Variants in PPM1M observed in about 807,000 individuals in gnomAD.
PPM1M encodes the protein protein phosphatase, Mg2+/Mn2+ dependent 1M.
Under a neutral mutation model 50.8 loss-of-function variants are expected in PPM1M, and 44 were observed. The observed-to-expected ratio is 0.87, with a 90% CI of 0.68 to 1.11. PPM1M has a LOEUF of 1.11. PPM1M is among the 50% of genes most tolerant of loss of function. The probability of loss-of-function intolerance (pLI) is 0.00; values close to 1 mark genes in which losing one functional copy is unlikely to be tolerated. For synonymous variants in PPM1M, 224 were observed against 242.9 expected (o/e 0.92, Z 0.72); for missense variants, 556 against 593.4 (o/e 0.94, Z 0.66).
chr3:52,247,881 G>A (rs553370500), intron 4 of PPM1M, 87 bp downstream of exon 4: 1 of 876,114 alleles, frequency 1.1e-6, no homozygotes, highest in Non-Finnish European at 1.8e-6. Flanking sequence ...TGGAAGTGGA[G>A]GGATAGTAGG....
At position 52,250,098 on chromosome 3, in the gene PPM1M, T is replaced by C; in HGVS notation, c.*284T>C. 2.7e-6 allele frequency: 1 copy of C among 376,064 alleles called. No homozygotes were observed. The highest frequency in any genetic ancestry group is 5.0e-6 in the Non-Finnish European group (1 of 198,478). The allele number at this position is 376,064 out of a possible 1,614,324, so 23.3% of individuals were successfully genotyped here. ...AACTAGGAAACCCATGTGAGGCTCC[T>C]CAGACAGGATCTTGAACAGCCCAAA... On this transcript the variant is annotated 3_prime_UTR_variant, in exon 10 of 10. Transcript: ENST00000323588.
Position 52,249,619 on chromosome 3 carries a change from C to T in PPM1M, c.1236-51C>T, listed in dbSNP as rs758303910. The T allele has an allele frequency of 6.2e-6, 10 of 1,608,532 alleles. No homozygotes were observed. The African/African-American group carries it at 1.2e-4, about 19-fold the overall frequency. Reference sequence around the variant, plus strand: ...GCAGTGAGTTCTCCTAAGGTCTGGCCTTGCCCCTTTGCTCTGCCCCTGAAG... The same window carrying T: ...GCAGTGAGTTCTCCTAAGGTCTGGCTTTGCCCCTTTGCTCTGCCCCTGAAG... On this transcript the variant is annotated intron_variant, in intron 9 of 9. Transcript: ENST00000323588.
Position 52,249,654 on chromosome 3 carries a change from A to G in PPM1M, c.1236-16A>G, listed in dbSNP as rs746059742. ...TGCTCTGCCCCTGAAGTCTATCTGC[A>G]GGATGGTCTTCACAGGTTCTCAAAG... On this transcript the variant is annotated splice_polypyrimidine_tract_variant and intron_variant, in intron 9 of 9. Coordinates refer to ENST00000323588, the MANE Select transcript of PPM1M (RefSeq NM_144641.4). The G allele has an allele frequency of 1.2e-6, 2 of 1,613,390 alleles. No homozygotes were observed. The highest frequency in any genetic ancestry group is 2.7e-5 in the African/African-American group (2 of 74,922).
chr3:52,248,781 G>A (rs1010837486), intron 7 of PPM1M, 81 bp downstream of exon 7: 62 of 1,473,218 alleles, frequency 4.2e-5, no homozygotes, highest in Non-Finnish European at 5.2e-5. Flanking sequence ...GCCTCTTGCT[G>A]GTAGCTGTGG....
rs1699864697 is a variant in PPM1M at position 52,246,821 on chromosome 3, A to G, written c.342+9A>G. ...CCCTGTGCCCAGAGGAGGTGAGTGC[A>G]GTCTGAGTTCTTGGCTGGAATCCCT... On this transcript the variant is annotated intron_variant, in intron 2 of 9. Coordinates refer to ENST00000323588, the MANE Select transcript of PPM1M (RefSeq NM_144641.4). 14 of 1,433,522 alleles carry G rather than the reference A, an allele frequency of 9.8e-6. No individual in the cohort carries two copies. The highest frequency in any genetic ancestry group is 1.3e-5 in the Non-Finnish European group (14 of 1,072,490). 88.8% of individuals were successfully genotyped at this position (1,433,522 alleles called of 1,614,324 possible).
rs765680708 is a variant in PPM1M at position 52,249,263 on chromosome 3, C to G, written c.1176C>G (p.Asn392Lys). Residue 392 changes from asparagine (N) to lysine (K), a missense_variant, in exon 9 of 10, where the codon AAC (asparagine) becomes AAG (lysine). Physicochemically the swap from Asn to Lys is moderately conservative, Grantham distance 94 (BLOSUM62 0). Coordinates refer to ENST00000323588, the MANE Select transcript of PPM1M (RefSeq NM_144641.4). ...ATGGACTCTGGGATGTACTGTCCAA[C>G]GAGCAGGTGGCATGGCTGGTGCGGA... Reference protein sequence around the residue: ...ATDGLWDVLSNEQVAWLVRSF... With the variant: ...ATDGLWDVLSKEQVAWLVRSF... 1.9e-6 allele frequency: 3 copies of G among 1,613,624 alleles called. No individual in the cohort carries two copies. Among genetic ancestry groups the G allele is most frequent in the African/African-American group, 1.3e-5 (1 of 74,920 alleles).
Position 52,245,813 on chromosome 3 carries a change from T to A in PPM1M, c.-12T>A, listed in dbSNP as rs1338702709. On this transcript the variant is annotated 5_prime_UTR_variant, in exon 1 of 10. Coordinates refer to ENST00000323588, the MANE Select transcript of PPM1M (RefSeq NM_144641.4). The surrounding 1 kb of genome is among the most constrained non-coding windows in gnomAD (Gnocchi z 4.8). ...GCCCCGCGCTCCGCGGGCAGCCCCC[T>A]GCCGCCGCGCCATGTCCGCCGGCTG... is the stretch of plus-strand genomic sequence containing the variant. The A allele has an allele frequency of 2.9e-6, 3 of 1,020,844 alleles. No individual in the cohort carries two copies. The East Asian group carries it at 3.2e-4, about 108-fold the overall frequency. The allele number at this position is 1,020,844 out of a possible 1,614,324, so 63.2% of individuals were successfully genotyped here. A position where few individuals can be genotyped will look rare whatever the true frequency, so the allele number is the denominator to read the frequency against.
chr3:52,248,350 G>C lies in PPM1M; in HGVS notation c.811G>C (p.Glu271Gln), dbSNP rs367686647. ...CCCACCCCAGGCCTTTGTCTATCCT[G>C]AGCTTCTGGCTGGTGAGTTCACCCG... ...RIQQLAFVYP[E>Q]LLAGEFTRLE... Residue 271 changes from glutamate to glutamine, a missense_variant, in exon 6 of 10, where the codon GAG becomes CAG. Glu to Gln is a conservative substitution (Grantham distance 29). Transcript: ENST00000323588. The C allele has an allele frequency of 1.6e-5, 26 of 1,612,908 alleles. No individual in the cohort carries two copies. The highest frequency in any genetic ancestry group is 2.1e-5 in the Non-Finnish European group (25 of 1,179,444).
At chr3:52,249,603 TCTC>T (rs776597627) in intron 9 of PPM1M, 64 bp from the exon 10 acceptor site, 16 of 1,596,942 alleles carry the variant, frequency 1.0e-5, no homozygotes, top group Non-Finnish European at 1.1e-5. Flanking sequence ...TGCAGTGAGT[TCTC>T]CTAAGGTCTG....
rs758369259 is a variant in PPM1M at position 52,246,996 on chromosome 3, C to G, written c.365C>G (p.Ala122Gly). The change falls in exon 3 of 10, where the codon GCA becomes GGA. Residue 122 changes from alanine to glycine, a missense_variant. Coordinates refer to ENST00000323588, the MANE Select transcript of PPM1M (RefSeq NM_144641.4). Reference protein sequence around the residue: ...PEEFLTGHYWALFDGHGGPAA... With the variant: ...PEEFLTGHYWGLFDGHGGPAA... ...CAGTTCCTGACAGGCCATTACTGGG[C>G]ACTGTTCGATGGGCACGGCGGTCCT... 6.5e-7 allele frequency: 1 copy of G among 1,546,690 alleles called. No homozygotes were observed. Among genetic ancestry groups the G allele is most frequent in the Admixed American group, 2.0e-5 (1 of 50,908 alleles).
rs182526895 is a variant in PPM1M at position 52,250,047 on chromosome 3, T to C, written c.*233T>C. 1.8e-5 allele frequency: 9 copies of C among 490,034 alleles called. No homozygotes were observed. In the Admixed American group the frequency reaches 2.2e-4, roughly 12 times the overall value. The allele number at this position is 490,034 out of a possible 1,614,324, so 30.4% of individuals were successfully genotyped here. A position where few individuals can be genotyped will look rare whatever the true frequency, so the allele number is the denominator to read the frequency against. Reference sequence around the variant, plus strand: ...GTCCTGCCTTTTGCGGTGATAACCTTCTCTGGCAGAGTGACTTTACAACTT... The same window carrying C: ...GTCCTGCCTTTTGCGGTGATAACCTCCTCTGGCAGAGTGACTTTACAACTT... On this transcript the variant is annotated 3_prime_UTR_variant, in exon 10 of 10. Transcript: ENST00000323588.
intron 1 of PPM1M, 198 bp downstream of exon 1, chr3:52,246,246 C>A: frequency 2.0e-6 from 2 of 1,017,492 alleles, no homozygotes; most frequent in African/African-American, 3.5e-5. Context: ...CGACCTCCCC[C>A]TCAGAGAAGA....
At chr3:52,246,466 TG>T in intron 1 of PPM1M, 2 of 740,552 alleles carry the variant, frequency 2.7e-6, no homozygotes, top group Non-Finnish European at 3.7e-6. Flanking sequence ...CGTCTAGCCC[TG>T]GGTCACCAGG....
chr3:52,248,210 G>C lies in PPM1M; in HGVS notation c.768G>C (p.Glu256Asp). Residue 256 changes from glutamate to aspartate, a missense_variant, in exon 5 of 10, where the codon GAG (glutamate) becomes GAC (aspartate). By Grantham distance (45) the Glu-to-Asp change is conservative. Coordinates refer to ENST00000323588, the MANE Select transcript of PPM1M (RefSeq NM_144641.4). ...IRPLSFEFTP[E>D]TERQRIQQLA... The stretch of plus-strand genomic sequence containing the variant: ...CACTGAGCTTCGAGTTCACCCCAGA[G>C]ACTGAGCGGCAGCGGATCCAGCAGC... The C allele has an allele frequency of 2.5e-6, 4 of 1,613,632 alleles. No homozygotes were observed. The highest frequency in any genetic ancestry group is 3.4e-6 in the Non-Finnish European group (4 of 1,179,738).
chr3:52,248,056 C>T, intron 4 of PPM1M, 97 bp from the exon 5 acceptor site: 1 of 1,063,146 alleles, frequency 9.4e-7, no homozygotes, highest in Non-Finnish European at 1.4e-6. Context: ...ATGGACAGAG[C>T]TGGATCCTGG....
intron 4 of PPM1M, among the ~76,000 whole-genome samples, 177 bp downstream of exon 4, chr3:52,247,971 C>T (rs1424250931): frequency 1.3e-5 from 2 of 152,142 alleles, no homozygotes; most frequent in Non-Finnish European, 2.9e-5. Flanking sequence ...GCAGGGACCT[C>T]AAAGGCCCCG....
At chr3:52,247,650 G>A (rs1699882091) in intron 3 of PPM1M, 32 bp from the exon 4 acceptor site, 1 of 1,377,380 alleles carries the variant, frequency 7.3e-7, no homozygotes, top group African/African-American at 1.4e-5. Flanking sequence ...GGCAGAACAG[G>A]CAGCAGCTAA....
chr3:52,248,333 A>G lies in PPM1M; in HGVS notation c.796-2A>G. On this transcript the variant is annotated splice_acceptor_variant, in intron 5 of 9. Transcript: ENST00000323588. LOFTEE classifies it high-confidence loss of function. ...GACCTGAGCGCAGCCTCCCCACCCCAGGCCTTTGTCTATCCTGAGCTTCTG... is the reference window on the plus strand; with the variant it reads ...GACCTGAGCGCAGCCTCCCCACCCCGGGCCTTTGTCTATCCTGAGCTTCTG... 5 of 1,610,900 alleles carry G rather than the reference A, an allele frequency of 3.1e-6. No individual in the cohort carries two copies. Among genetic ancestry groups the G allele is most frequent in the Non-Finnish European group, 4.2e-6 (5 of 1,178,514 alleles).
At chr3:52,246,942 G>A in intron 2 of PPM1M, 32 bp from the exon 3 acceptor site, 1 of 1,525,966 alleles carries the variant, frequency 6.6e-7, no homozygotes, top group Non-Finnish European at 8.8e-7. Context: ...GGGAAGTCAG[G>A]CAGAGGCTGA....
Sources: allele counts gnomAD v4.1 joint callset (sites outside exome capture counted in the v4.1 genomes callset), GRCh38; gene constraint gnomAD v4.1.1; non-coding constraint Gnocchi (gnomAD v3.1); transcripts MANE v1.5; gene names NCBI Gene and HGNC (gene_info 2026-07-23, HGNC 2026-07-21).